The following DMD variants were observed in gnomAD, a reference collection of about 807,000 sequenced individuals.
The protein encoded by DMD is dystrophin.
DMD carries 63 observed loss-of-function variants against 330.1 expected under a neutral mutation model. That is an observed-to-expected ratio of 0.19 (90% CI 0.16 to 0.24). DMD has a LOEUF of 0.24. Ranked by LOEUF, DMD falls within the 10% of genes least tolerant of loss-of-function variation. The pLI is 1.00. For missense variants in DMD, 3,344 were observed against 2,684.1 expected, an observed-to-expected ratio of 1.25 and a Z score of -5.43; for synonymous variants, 1,223 against 959.8, an observed-to-expected ratio of 1.27 and a Z score of -5.07.
intron 7 of DMD, among the ~76,000 whole-genome samples, chrX:32,762,178 A>T (rs185127326): frequency 1.3e-4 from 13 of 103,671 alleles, no homozygotes; most frequent in African/African-American, 4.3e-4. Flanking sequence ...GAAAAAAAAA[A>T]TCAAAAAAAA....
At chrX:32,013,146 G>A (rs1424940952) in intron 44 of DMD, among the ~76,000 whole-genome samples, 1 of 93,882 alleles carries the variant, frequency 1.1e-5, no homozygotes, top group Non-Finnish European at 2.0e-5. Flanking sequence ...GAGTGCAATG[G>A]CCAGATCTTG....
At chrX:33,010,865 G>A (rs2093689216) in intron 2 of DMD, among the ~76,000 whole-genome samples, 1 of 110,831 alleles carries the variant, frequency 9.0e-6, no homozygotes, top group Non-Finnish European at 1.9e-5. Flanking sequence ...TGGTTCTTTG[G>A]CCGTCAGCAT....
chrX:32,926,943 C>T (rs1322271747), intron 2 of DMD, among the ~76,000 whole-genome samples: 1 of 111,053 alleles, frequency 9.0e-6, no homozygotes, highest in Non-Finnish European at 1.9e-5. Flanking sequence ...TGGATTTGAT[C>T]ATCCTAACAC....
chrX:32,237,710 T>G (rs2097193040), intron 43 of DMD, among the ~76,000 whole-genome samples: 1 of 111,865 alleles, frequency 8.9e-6, no homozygotes, highest in African/African-American at 3.2e-5. Context: ...AGAGTCAGTT[T>G]AAAATTTTCC....
intron 64 of DMD, among the ~76,000 whole-genome samples, chrX:31,212,117 C>A (rs1466254248): frequency 1.9e-5 from 2 of 104,729 alleles, no homozygotes; most frequent in Non-Finnish European, 3.9e-5. Context: ...ACCATTGTTT[C>A]CTTAAGCTAG....
At chrX:33,323,621 G>C (rs2054046525) in intron 1 of DMD, among the ~76,000 whole-genome samples, 2 of 111,377 alleles carry the variant, frequency 1.8e-5, no homozygotes, top group South Asian at 7.5e-4. Flanking sequence ...TGTGTCCTGT[G>C]TATTTTTAAA....
chrX:31,434,285 A>G (rs1207397363), intron 60 of DMD, among the ~76,000 whole-genome samples: 1 of 110,798 alleles, frequency 9.0e-6, no homozygotes, highest in Admixed American at 9.7e-5. Context: ...AGGCCATTTA[A>G]AACAAAAGAT....
At chrX:32,400,481 T>C (rs2098078678) in intron 30 of DMD, among the ~76,000 whole-genome samples, 1 of 110,674 alleles carries the variant, frequency 9.0e-6, no homozygotes, top group African/African-American at 3.3e-5. Context: ...ATAAAATGAG[T>C]TAGGGAGGAT....
intron 64 of DMD, among the ~76,000 whole-genome samples, chrX:31,215,165 A>T (rs1306883007): frequency 3.8e-5 from 4 of 106,199 alleles, no homozygotes; most frequent in African/African-American, 1.4e-4. Flanking sequence ...ATGGCCTCGA[A>T]CTCCTGACCT....
At chrX:32,256,188 G>T (rs2097297808) in intron 43 of DMD, among the ~76,000 whole-genome samples, 1 of 111,146 alleles carries the variant, frequency 9.0e-6, no homozygotes, top group Admixed American at 9.6e-5. Flanking sequence ...TATATATTTA[G>T]AATAGTTAGT....
chrX:32,262,698 G>T (rs961815400), intron 43 of DMD, among the ~76,000 whole-genome samples: 1 of 110,223 alleles, frequency 9.1e-6, no homozygotes, highest in African/African-American at 3.3e-5. Flanking sequence ...CAGTTGCTGG[G>T]ATTGTTATCT....
chrX:31,227,876 G>C (rs1458635085), intron 63 of DMD, among the ~76,000 whole-genome samples: 1 of 110,368 alleles, frequency 9.1e-6, no homozygotes, highest in East Asian at 2.8e-4. Context: ...AACAATGATA[G>C]ACTGGATTAA....
chrX:31,367,534 C>T (rs969637438), intron 60 of DMD, among the ~76,000 whole-genome samples: 2 of 111,636 alleles, frequency 1.8e-5, no homozygotes, highest in Non-Finnish European at 3.8e-5. Context: ...TTTCCATGTT[C>T]CTGCTGACAG....
At chrX:32,632,724 G>A (rs754882980) in intron 11 of DMD, among the ~76,000 whole-genome samples, 2 of 99,379 alleles carry the variant, frequency 2.0e-5, no homozygotes, top group East Asian at 3.1e-4. Context: ...TGGCCAGGAC[G>A]CTGGGTGCGG....
intron 2 of DMD, among the ~76,000 whole-genome samples, chrX:32,961,344 T>G (rs940035126): frequency 9.0e-6 from 1 of 111,264 alleles, no homozygotes; most frequent in Non-Finnish European, 1.9e-5. Flanking sequence ...CCCATTCTAT[T>G]TAACCTCAGC....
At chrX:32,554,872 AGGAAAG>A (rs2050041109) in intron 16 of DMD, among the ~76,000 whole-genome samples, 1 of 42,252 alleles carries the variant, frequency 2.4e-5, no homozygotes, top group Non-Finnish European at 4.9e-5. Flanking sequence ...GAGAGAGAGA[AGGAAAG>A]AAGAAAGAAA....
At chrX:31,937,520 G>A (rs1054385063) in intron 45 of DMD, among the ~76,000 whole-genome samples, 12 of 111,183 alleles carry the variant, frequency 1.1e-4, no homozygotes, top group Middle Eastern at 4.2e-3. Context: ...TTTATACTTT[G>A]AAATATAAAA....
chrX:32,808,593 T>A, intron 7 of DMD, among the ~76,000 whole-genome samples: 1 of 111,759 alleles, frequency 8.9e-6, no homozygotes, highest in South Asian at 3.7e-4. Flanking sequence ...TTGAGTTTTC[T>A]TGATGGGACC....
intron 7 of DMD, among the ~76,000 whole-genome samples, chrX:32,730,493 G>C (rs917074636): frequency 8.9e-6 from 1 of 112,229 alleles, no homozygotes; most frequent in Non-Finnish European, 1.9e-5. Context: ...ACAGGAAGTA[G>C]ACTTAGAGAG....
Sources: allele counts gnomAD v4.1 joint callset (sites outside exome capture counted in the v4.1 genomes callset), GRCh38; gene constraint gnomAD v4.1.1; transcripts MANE v1.5; gene names NCBI Gene and HGNC (gene_info 2026-07-23, HGNC 2026-07-21).